LIMCH1: variants seen among roughly 807,000 people sequenced by gnomAD.
LIMCH1 encodes LIM and calponin homology domains 1.
Under a neutral mutation model 176.5 loss-of-function variants are expected in LIMCH1, and 113 were observed. The observed-to-expected ratio is 0.64, with a 90% CI of 0.55 to 0.75. The LOEUF is 0.75. Among genes scored for constraint, LIMCH1 ranks in the 30% least tolerant of loss-of-function variants. The probability of loss-of-function intolerance (pLI) is 0.00; values close to 1 mark genes in which losing one functional copy is unlikely to be tolerated. For missense variants in LIMCH1, 1,674 were observed against 1,814.9 expected (o/e 0.92, Z 1.41); for synonymous variants, 619 against 645.9 (o/e 0.96, Z 0.63).
chr4:41,444,357 T>C (rs560962082), intron 1 of LIMCH1, among the ~76,000 whole-genome samples: 42 of 148,896 alleles, frequency 2.8e-4, no homozygotes, highest in African/African-American at 9.6e-4. Context: ...CACACACATA[T>C]ATAGAGTGCA....
intron 18 of LIMCH1, among the ~76,000 whole-genome samples, chr4:41,659,580 A>T (rs562316568): frequency 1.3e-5 from 2 of 152,180 alleles, no homozygotes; most frequent in Non-Finnish European, 2.9e-5. Flanking sequence ...ATATATACTT[A>T]TGAGAGACGA....
chr4:41,494,323 A>G (rs959511631), intron 1 of LIMCH1, among the ~76,000 whole-genome samples: 7 of 149,442 alleles, frequency 4.7e-5, no homozygotes, highest in Admixed American at 4.0e-4. Context: ...ATACACACAT[A>G]CATATATATA....
At position 41,458,855 on chromosome 4, in the gene LIMCH1, A is replaced by G. The variant is rs541160855; in HGVS notation, c.97-35681A>G. ...GGAAGCTGAACTCTTTCCTGAGACA[A>G]TGGGAAGGAACTGACAGTGTTTAAA... is the stretch of plus-strand genomic sequence containing the variant. On this transcript the variant is annotated intron_variant, in intron 1 of 26. Coordinates refer to the LIMCH1 transcript ENST00000313860. Among the ~76,000 whole-genome samples, 5 of 152,066 alleles carry G rather than the reference A, an allele frequency of 3.3e-5. No individual in the cohort carries two copies. In the South Asian group the frequency reaches 8.3e-4, roughly 25 times the overall value.
At chr4:41,589,173 T>C (rs1033849089) in intron 1 of LIMCH1, among the ~76,000 whole-genome samples, 1 of 152,148 alleles carries the variant, frequency 6.6e-6, no homozygotes, top group African/African-American at 2.4e-5. Flanking sequence ...GCAGGTGTTA[T>C]AGGTGAGAAA....
intron 1 of LIMCH1, among the ~76,000 whole-genome samples, chr4:41,375,714 T>C (rs1346943300): frequency 6.6e-6 from 1 of 152,222 alleles, no homozygotes. Context: ...TTTCTAAAAG[T>C]GGATACAGCG....
At chr4:41,481,021 ATTTT>A (rs548316746) in intron 1 of LIMCH1, among the ~76,000 whole-genome samples, 1 of 145,788 alleles carries the variant, frequency 6.9e-6, no homozygotes, top group African/African-American at 2.5e-5. Flanking sequence ...TCTTAATTAG[ATTTT>A]TTTTTTTTTG....
intron 1 of LIMCH1, among the ~76,000 whole-genome samples, chr4:41,446,606 G>GT (rs1445632618): frequency 1.3e-5 from 2 of 152,172 alleles, no homozygotes; most frequent in African/African-American, 4.8e-5. Flanking sequence ...GATGTGCTGA[G>GT]TAAGTGTTGG....
intron 20 of LIMCH1, among the ~76,000 whole-genome samples, chr4:41,666,320 A>G (rs2094824517): frequency 6.6e-6 from 1 of 152,250 alleles, no homozygotes. Flanking sequence ...GGTTTGGAGA[A>G]AAGTGGTCAT....
chr4:41,532,084 A>G (rs2077389207), intron 3 of LIMCH1, among the ~76,000 whole-genome samples: 1 of 152,194 alleles, frequency 6.6e-6, no homozygotes, highest in African/African-American at 2.4e-5. Flanking sequence ...GCTGCTCTCA[A>G]GTTTGATGCC....
intron 1 of LIMCH1, among the ~76,000 whole-genome samples, chr4:41,588,947 G>C (rs1376138213): frequency 2.0e-5 from 3 of 152,200 alleles, no homozygotes; most frequent in African/African-American, 7.2e-5. Flanking sequence ...GTGGAGGCAA[G>C]AGATGGCTGG....
At chr4:41,691,893 A>T (rs1276234572) in intron 30 of LIMCH1, among the ~76,000 whole-genome samples, 1 of 152,208 alleles carries the variant, frequency 6.6e-6, no homozygotes, top group East Asian at 1.9e-4. Flanking sequence ...CTCATTGGCC[A>T]TGTGTTTATT....
At chr4:41,517,117 A>G (rs1326686947) in intron 2 of LIMCH1, among the ~76,000 whole-genome samples, 4 of 152,192 alleles carry the variant, frequency 2.6e-5, no homozygotes, top group African/African-American at 9.6e-5. Flanking sequence ...GACACCAGCT[A>G]ATAGAGACTC....
At chr4:41,518,209 G>A (rs1275511553) in intron 2 of LIMCH1, among the ~76,000 whole-genome samples, 3 of 152,190 alleles carry the variant, frequency 2.0e-5, no homozygotes, top group African/African-American at 4.8e-5. Flanking sequence ...ATTACAGTCC[G>A]ATAACATATA....
chr4:41,501,532 G>A (rs952943418), intron 2 of LIMCH1, among the ~76,000 whole-genome samples: 11 of 152,060 alleles, frequency 7.2e-5, no homozygotes, highest in Admixed American at 7.2e-4. Context: ...AGGAGACAGA[G>A]GTATTCCAGC....
In LIMCH1 at chr4:41,671,544, T is replaced by A. The variant is rs2095033228; in HGVS notation, c.3398-10T>A. ...CATATCTTTTTTTTCTTTCTTTTTTTTCTGTGCAGTGGATTCTCCAAGCAG... is the reference window on the plus strand; with the variant it reads ...CATATCTTTTTTTTCTTTCTTTTTTATCTGTGCAGTGGATTCTCCAAGCAG... On this transcript the variant is annotated splice_polypyrimidine_tract_variant and intron_variant, in intron 21 of 31. Coordinates refer to ENST00000503057, the MANE Select transcript of LIMCH1 (RefSeq NM_001330672.2). 1 of 1,603,564 alleles carries A rather than the reference T, an allele frequency of 6.2e-7. No homozygotes were observed. Among genetic ancestry groups the A allele is most frequent in the South Asian group, 1.1e-5 (1 of 90,660 alleles).
intron 3 of LIMCH1, among the ~76,000 whole-genome samples, chr4:41,527,366 C>G (rs1211669689): frequency 6.6e-6 from 1 of 152,148 alleles, no homozygotes; most frequent in Non-Finnish European, 1.5e-5. Context: ...AGTAGTTGGC[C>G]ATGATCAAAC....
intron 1 of LIMCH1, among the ~76,000 whole-genome samples, chr4:41,457,127 T>G (rs932654845): frequency 1.3e-5 from 2 of 152,184 alleles, no homozygotes; most frequent in Non-Finnish European, 2.9e-5. Flanking sequence ...CTACAGTAGA[T>G]GTAACAAATC....
intron 2 of LIMCH1, among the ~76,000 whole-genome samples, chr4:41,512,186 A>G (rs950963341): frequency 6.6e-6 from 1 of 152,212 alleles, no homozygotes; most frequent in African/African-American, 2.4e-5. Context: ...AGAAATGCAA[A>G]TCAAATCCAC....
rs555099405 is a variant in LIMCH1 at position 41,667,535 on chromosome 4, G to A, written c.3397+869G>A. ...ATGTGTTTGATATAATGTGGGAAGGGGTTGCCTCTAGAAACGTGGGCATTT... is the reference window on the plus strand; with the variant it reads ...ATGTGTTTGATATAATGTGGGAAGGAGTTGCCTCTAGAAACGTGGGCATTT... On this transcript the variant is annotated intron_variant, in intron 21 of 31. Coordinates refer to ENST00000503057, the MANE Select transcript of LIMCH1 (RefSeq NM_001330672.2). Among the ~76,000 whole-genome samples the A allele has an allele frequency of 3.9e-5, 6 of 152,200 alleles. No homozygotes were observed. In the East Asian group the frequency reaches 5.8e-4, roughly 15 times the overall value.
Sources: allele counts gnomAD v4.1 joint callset (sites outside exome capture counted in the v4.1 genomes callset), GRCh38; gene constraint gnomAD v4.1.1; transcripts MANE v1.5; gene names NCBI Gene and HGNC (gene_info 2026-07-23, HGNC 2026-07-21).